DHTKD1: variants seen among roughly 807,000 people sequenced by gnomAD.
DHTKD1 encodes dehydrogenase E1 and transketolase domain containing 1, also known as 2-oxoadipate dehydrogenase complex component E1.
A neutral mutation model predicts 101.8 loss-of-function variants in DHTKD1; 78 were observed. That is an observed-to-expected ratio of 0.77 (90% CI 0.64 to 0.93). The LOEUF is 0.93. Ranked by LOEUF, DHTKD1 falls within the 40% of genes least tolerant of loss-of-function variation. DHTKD1 has a pLI of 0.00. For missense variants in DHTKD1, 1,223 were observed against 1,161.7 expected, an observed-to-expected ratio of 1.05 and a Z score of -0.77; for synonymous variants, 462 against 450.3, an observed-to-expected ratio of 1.03 and a Z score of -0.33.
intron 1 of DHTKD1, among the ~76,000 whole-genome samples, chr10:12,077,747 A>T (rs1468820371): frequency 6.6e-6 from 1 of 151,852 alleles, no homozygotes; most frequent in East Asian, 1.9e-4. Flanking sequence ...AGGGCCACTG[A>T]GTACCTTCAC....
At chr10:12,072,800 G>C (rs868390298) in intron 1 of DHTKD1, among the ~76,000 whole-genome samples, 4 of 151,272 alleles carry the variant, frequency 2.6e-5, no homozygotes, top group African/African-American at 7.3e-5. Context: ...GCAATGGCAC[G>C]ATCTCAGCTC....
intron 14 of DHTKD1, among the ~76,000 whole-genome samples, 158 bp from the exon 15 acceptor site, chr10:12,118,591 C>T (rs182114593): frequency 4.0e-5 from 6 of 151,870 alleles, no homozygotes; most frequent in East Asian, 3.9e-4. Context: ...ACCGTGTTAG[C>T]CAGGATGGTC....
intron 1 of DHTKD1, among the ~76,000 whole-genome samples, chr10:12,073,545 C>T (rs1324648055): frequency 6.6e-6 from 1 of 152,106 alleles, no homozygotes; most frequent in Non-Finnish European, 1.5e-5. Flanking sequence ...CAGGGTTTCA[C>T]ATGTTGGCCA....
intron 1 of DHTKD1, among the ~76,000 whole-genome samples, chr10:12,069,518 CTTTTTTTT>C (rs10691718): frequency 1.2e-5 from 1 of 81,552 alleles, no homozygotes; most frequent in African/African-American, 5.2e-5. Flanking sequence ...TTTTTGTTTC[CTTTTTTTT>C]TTTTTTTTTT....
rs771936698 is a variant in DHTKD1, at chr10:12,120,895, C to G, written c.*7C>G. On this transcript the variant is annotated 3_prime_UTR_variant, in exon 17 of 17. Coordinates refer to ENST00000263035, the MANE Select transcript of DHTKD1 (RefSeq NM_018706.7). ...CGCCAAGACCTTCGCTTGATGATGA[C>G]TTTTGAAGAAACACTATTTCTCTTT... The G allele has an allele frequency of 6.2e-7, 1 of 1,612,356 alleles. No homozygotes were observed. Among genetic ancestry groups the G allele is most frequent in the African/African-American group, 1.3e-5 (1 of 74,908 alleles).
At chr10:12,072,739 C>CTTTA (rs1832669868) in intron 1 of DHTKD1, among the ~76,000 whole-genome samples, 1 of 140,824 alleles carries the variant, frequency 7.1e-6, no homozygotes, top group Non-Finnish European at 1.6e-5. Context: ...GGTGTTCTTC[C>CTTTA]TTTTTTTTTT....
At position 12,110,322 on chromosome 10, in the gene DHTKD1, A is replaced by G. The variant is rs1223064148; in HGVS notation, c.2154+2307A>G. On this transcript the variant is annotated intron_variant, in intron 12 of 16. Coordinates refer to ENST00000263035, the MANE Select transcript of DHTKD1 (RefSeq NM_018706.7). This position sits in a 1 kb window ranked among gnomAD's most constrained non-coding sequence, Gnocchi z 4.9. Reference sequence around the variant, plus strand: ...CAGAAAAAAGAATGTGGTCCAATACAAATTCATAAACTTTCTTAAAACATT... The same window carrying G: ...CAGAAAAAAGAATGTGGTCCAATACGAATTCATAAACTTTCTTAAAACATT... Among the ~76,000 whole-genome samples, 1 of 152,066 alleles carries G rather than the reference A, an allele frequency of 6.6e-6. No homozygotes were observed. Among genetic ancestry groups the G allele is most frequent in the Non-Finnish European group, 1.5e-5 (1 of 68,022 alleles).
At chr10:12,077,587 T>C (rs1394081844) in intron 1 of DHTKD1, among the ~76,000 whole-genome samples, 2 of 152,192 alleles carry the variant, frequency 1.3e-5, no homozygotes, top group African/African-American at 4.8e-5. Flanking sequence ...ACAATATTAT[T>C]TTTTAATGGC....
intron 1 of DHTKD1, among the ~76,000 whole-genome samples, chr10:12,074,529 GTTT>G (rs552495995): frequency 4.1e-5 from 6 of 146,318 alleles, no homozygotes; most frequent in Admixed American, 2.7e-4. Flanking sequence ...CTAATTTTTT[GTTT>G]TTTTTTTAGT....
At chr10:12,080,884 T>A (rs1018500561) in intron 1 of DHTKD1, among the ~76,000 whole-genome samples, 1 of 150,998 alleles carries the variant, frequency 6.6e-6, no homozygotes, top group Admixed American at 6.6e-5. Flanking sequence ...CTGGGCAACA[T>A]GGTTAAACTC....
intron 1 of DHTKD1, among the ~76,000 whole-genome samples, chr10:12,079,028 G>A (rs571260945): frequency 2.0e-5 from 3 of 152,226 alleles, no homozygotes; most frequent in Admixed American, 1.3e-4. Flanking sequence ...GGGGGAGATC[G>A]CTCAGAGAGA....
At chr10:12,078,647 G>A (rs891407829) in intron 1 of DHTKD1, among the ~76,000 whole-genome samples, 2 of 152,076 alleles carry the variant, frequency 1.3e-5, no homozygotes, top group African/African-American at 4.8e-5. Flanking sequence ...GTGATCTCTA[G>A]GCATTGACAT....
intron 6 of DHTKD1, among the ~76,000 whole-genome samples, chr10:12,093,148 A>G (rs1245826252): frequency 1.3e-5 from 2 of 151,690 alleles, no homozygotes; most frequent in Non-Finnish European, 2.9e-5. Flanking sequence ...GGTTCAAGCA[A>G]TTCTCCTGCC....
At chr10:12,116,659 G>A (rs1350232382) in intron 13 of DHTKD1, among the ~76,000 whole-genome samples, 1 of 151,330 alleles carries the variant, frequency 6.6e-6, no homozygotes, top group African/African-American at 2.4e-5. Flanking sequence ...CCAAAGTGCT[G>A]GGATTATAGG....
chr10:12,113,180 C>G, intron 13 of DHTKD1, 116 bp downstream of exon 13: 2 of 984,518 alleles, frequency 2.0e-6, no homozygotes, highest in South Asian at 3.8e-5. Flanking sequence ...TTAGTTTCAA[C>G]TGACTTTGCT....
Position 12,086,016 on chromosome 10 carries a change from C to T in DHTKD1, c.522+1265C>T, listed in dbSNP as rs193030391. Among the ~76,000 whole-genome samples the T allele has an allele frequency of 2.5e-4, 38 of 151,734 alleles. 1 individual carries two copies. The highest frequency in any genetic ancestry group is 2.4e-3 in the Admixed American group (36 of 15,206). On this transcript the variant is annotated intron_variant, in intron 3 of 16. Transcript: ENST00000263035. ...GCCCAAGTAGCTGGGATTACAGGCA[C>T]GTGCCACCACACCCAGCTAATTTTT...
intron 15 of DHTKD1, among the ~76,000 whole-genome samples, 192 bp downstream of exon 15, chr10:12,119,110 T>C (rs1351848688): frequency 2.0e-5 from 3 of 151,460 alleles, no homozygotes; most frequent in South Asian, 2.1e-4. Context: ...ATTGAGACCA[T>C]CCTGGCTAAC....
chr10:12,084,564 AG>A lies in DHTKD1; in HGVS notation c.337del (p.Ala113ProfsTer7). ...TAGLLNMGKE[E>X]ASLEEVLVYL... ...GGATTATTGAACATGGGGAAGGAAG[AG>A]GCCTCACTTGAGGAAGTGTTAGTCT... On this transcript the variant is annotated frameshift_variant, in exon 3 of 17. Transcript: ENST00000263035. LOFTEE classifies it high-confidence loss of function. 1 of 1,611,004 alleles carries A rather than the reference AG, an allele frequency of 6.2e-7. No homozygotes were observed.
chr10:12,115,431 G>T (rs987547854), intron 13 of DHTKD1, among the ~76,000 whole-genome samples: 9 of 152,116 alleles, frequency 5.9e-5, no homozygotes, highest in African/African-American at 2.2e-4. Flanking sequence ...ATTCAGAGGG[G>T]AGTAGGGAGG....
Sources: gnomAD v4.1 joint callset for allele counts (sites outside exome capture counted in the v4.1 genomes callset) on GRCh38, gnomAD v4.1.1 for gene constraint, Gnocchi (gnomAD v3.1) non-coding constraint, MANE v1.5 for transcripts, NCBI Gene and HGNC (gene_info 2026-07-23, HGNC 2026-07-21) for gene names.